Variants in ROBO1 observed in about 807,000 individuals in gnomAD.
The protein encoded by ROBO1 is roundabout homolog 1.
A neutral mutation model predicts 195.9 loss-of-function variants in ROBO1; 149 were observed. The observed-to-expected ratio is 0.76, with a 90% CI of 0.67 to 0.87. The LOEUF is 0.87. ROBO1 is among the 40% of genes least tolerant of loss of function. The pLI, the probability that ROBO1 is intolerant of heterozygous loss-of-function variation, is 0.00. For missense variants in ROBO1, 1,933 were observed against 2,068.3 expected, an observed-to-expected ratio of 0.93 and a Z score of 1.27; for synonymous variants, 816 against 733.2, an observed-to-expected ratio of 1.11 and a Z score of -1.82.
intron 2 of ROBO1, among the ~76,000 whole-genome samples, chr3:79,226,055 GA>G (rs1453980321): frequency 6.6e-6 from 1 of 152,064 alleles, no homozygotes; most frequent in South Asian, 2.1e-4. Flanking sequence ...TGCCTTATAA[GA>G]AAACCATTTT....
intron 2 of ROBO1, among the ~76,000 whole-genome samples, chr3:79,460,494 A>G (rs1351714816): frequency 6.6e-6 from 1 of 152,228 alleles, no homozygotes; most frequent in Non-Finnish European, 1.5e-5. Flanking sequence ...AGTGAGGAAT[A>G]AACCAGATGC....
At chr3:79,651,496 G>T (rs1476982366) in intron 1 of ROBO1, among the ~76,000 whole-genome samples, 1 of 152,066 alleles carries the variant, frequency 6.6e-6, no homozygotes, top group African/African-American at 2.4e-5. Flanking sequence ...AAATATAGTT[G>T]TTCAAATTTA....
chr3:78,706,466 T>A (rs2081554157), intron 8 of ROBO1, among the ~76,000 whole-genome samples: 1 of 152,132 alleles, frequency 6.6e-6, no homozygotes, highest in Admixed American at 6.6e-5. Flanking sequence ...TATAACTGTG[T>A]TTTAGGTAGA....
At chr3:79,737,934 TCC>T (rs1316460281) in intron 1 of ROBO1, among the ~76,000 whole-genome samples, 1 of 152,168 alleles carries the variant, frequency 6.6e-6, no homozygotes, top group Non-Finnish European at 1.5e-5. Context: ...CACATCTTAT[TCC>T]CTCTAACTTC....
At position 78,661,985 on chromosome 3, in the gene ROBO1, C is replaced by T; in HGVS notation, c.2088+8G>A. The T allele has an allele frequency of 6.2e-7, 1 of 1,605,452 alleles. No individual in the cohort carries two copies. The highest frequency in any genetic ancestry group is 1.1e-5 in the South Asian group (1 of 88,898). The stretch of plus-strand genomic sequence containing the variant: ...TTAAAACTGAGATCAAATATTGTAA[C>T]AACTCACTGTCCAGTGCACTTCGAT... On this transcript the variant is annotated splice_region_variant and intron_variant, in intron 15 of 30. Transcript: ENST00000464233.
intron 2 of ROBO1, among the ~76,000 whole-genome samples, chr3:79,351,185 CTA>C (rs528587768): frequency 5.9e-5 from 9 of 152,012 alleles, no homozygotes; most frequent in Non-Finnish European, 1.3e-4. Flanking sequence ...AAAATTATGA[CTA>C]AATAAAAAAT....
chr3:78,736,131 G>A (rs750477583), intron 5 of ROBO1, among the ~76,000 whole-genome samples: 10 of 152,090 alleles, frequency 6.6e-5, no homozygotes, highest in Non-Finnish European at 1.5e-4. Context: ...TTCCCATTTT[G>A]TCGGAGAGTA....
intron 2 of ROBO1, among the ~76,000 whole-genome samples, chr3:79,305,306 G>A (rs2033164348): frequency 6.6e-6 from 1 of 151,970 alleles, no homozygotes; most frequent in South Asian, 2.1e-4. Context: ...GGCCAATATG[G>A]TGAAAACCCG....
At chr3:79,491,515 C>A (rs1050425495) in intron 2 of ROBO1, among the ~76,000 whole-genome samples, 1 of 152,134 alleles carries the variant, frequency 6.6e-6, no homozygotes, top group Admixed American at 6.6e-5. Context: ...TTGTCAGGAA[C>A]AGATTTGTTA....
chr3:79,470,989 A>G (rs2107318739), intron 2 of ROBO1, among the ~76,000 whole-genome samples: 1 of 152,292 alleles, frequency 6.6e-6, no homozygotes, highest in South Asian at 2.1e-4. Flanking sequence ...TATTGTGTAT[A>G]TACTGTAGAG....
intron 2 of ROBO1, among the ~76,000 whole-genome samples, chr3:79,528,857 A>G (rs1559967127): frequency 6.6e-6 from 1 of 152,244 alleles, no homozygotes; most frequent in Non-Finnish European, 1.5e-5. Flanking sequence ...TCTCAATATC[A>G]TAAAGAACAA....
intron 1 of ROBO1, among the ~76,000 whole-genome samples, chr3:79,650,213 A>C (rs1226050348): frequency 1.3e-5 from 2 of 151,946 alleles, no homozygotes; most frequent in African/African-American, 4.8e-5. Flanking sequence ...CTGCAGAGAA[A>C]ATACCAATAG....
Position 78,688,700 on chromosome 3 carries a change from TC to T in ROBO1, c.1117del (p.Glu373LysfsTer59). 6.2e-7 allele frequency: 1 copy of T among 1,609,000 alleles called. No homozygotes were observed. Among genetic ancestry groups the T allele is most frequent in the Non-Finnish European group, 8.5e-7 (1 of 1,177,518 alleles). ...ALGRTVTFQCEATGNPQPAIF... is the reference protein window; with the variant it reads ...ALGRTVTFQCXATGNPQPAIF... ...AGCTGGTTGAGGATTTCCGGTTGCT[TC>T]ACACTGAAAAGTTACAGTCCGTCCC... On this transcript the variant is annotated frameshift_variant, in exon 9 of 31. Transcript: ENST00000464233. LOFTEE classifies it high-confidence loss of function.
chr3:78,942,805 G>T (rs1412298902), intron 3 of ROBO1, among the ~76,000 whole-genome samples: 1 of 152,200 alleles, frequency 6.6e-6, no homozygotes, highest in East Asian at 1.9e-4. Context: ...TACTCAGGAG[G>T]CTGAGGTGGA....
chr3:79,281,168 T>C (rs1245901142), intron 2 of ROBO1, among the ~76,000 whole-genome samples: 1 of 152,242 alleles, frequency 6.6e-6, no homozygotes, highest in Non-Finnish European at 1.5e-5. Context: ...AATCTTTGAT[T>C]GAATTAATAT....
At chr3:78,958,150 C>T in intron 3 of ROBO1, among the ~76,000 whole-genome samples, 1 of 152,138 alleles carries the variant, frequency 6.6e-6, no homozygotes, top group East Asian at 1.9e-4. Flanking sequence ...TTGTTTACTA[C>T]ATATATGCAT....
At chr3:79,651,676 A>AG (rs1447303595) in intron 1 of ROBO1, among the ~76,000 whole-genome samples, 1 of 152,134 alleles carries the variant, frequency 6.6e-6, no homozygotes, top group Non-Finnish European at 1.5e-5. Flanking sequence ...GATTAGGTCT[A>AG]GAGAGCCTGA....
intron 19 of ROBO1, among the ~76,000 whole-genome samples, chr3:78,649,474 A>C (rs1706513022): frequency 6.6e-6 from 1 of 152,160 alleles, no homozygotes; most frequent in Non-Finnish European, 1.5e-5. Context: ...CCGATAGCTA[A>C]ATGTAAGGGG....
chr3:79,189,610 C>T (rs1212453457), intron 2 of ROBO1, among the ~76,000 whole-genome samples: 1 of 151,536 alleles, frequency 6.6e-6, no homozygotes, highest in East Asian at 1.9e-4. Flanking sequence ...TATATTAGGC[C>T]AATAAATCTG....
Sources: gnomAD v4.1 joint callset for allele counts (sites outside exome capture counted in the v4.1 genomes callset) on GRCh38, gnomAD v4.1.1 for gene constraint, MANE v1.5 for transcripts, NCBI Gene and HGNC (gene_info 2026-07-23, HGNC 2026-07-21) for gene names.